The following TCFL5 variants were observed in gnomAD, a reference collection of about 807,000 sequenced individuals.
TCFL5 encodes transcription factor like 5, also known as transcription factor-like 5 protein.
TCFL5 carries 9 observed loss-of-function variants against 44.3 expected under a neutral mutation model. The ratio of observed to expected loss-of-function variants is 0.20; its 90% CI spans 0.12 to 0.35. The LOEUF (loss-of-function observed/expected upper bound fraction) is 0.35. Among genes scored for constraint, TCFL5 ranks in the 10% least tolerant of loss-of-function variants. The probability of loss-of-function intolerance (pLI) is 1.00; values close to 1 mark genes in which losing one functional copy is unlikely to be tolerated. For missense variants in TCFL5, 603 were observed against 613.4 expected (o/e 0.98, Z 0.18); for synonymous variants, 319 against 271.6 (o/e 1.17, Z -1.72).
chr20:62,841,049 AAAG>A lies in TCFL5; in HGVS notation c.*923_*925del, dbSNP rs1447216537. The A allele has an allele frequency of 2.9e-6, 1 of 350,050 alleles. No homozygotes were observed. The highest frequency in any genetic ancestry group is 2.1e-5 in the African/African-American group (1 of 46,982). The allele number at this position is 350,050 out of a possible 1,614,324, so 21.7% of individuals were successfully genotyped here. A position where few individuals can be genotyped will look rare whatever the true frequency, so the allele number is the denominator to read the frequency against. On this transcript the variant is annotated 3_prime_UTR_variant, in exon 6 of 6. Transcript: ENST00000335351. ...TAACTTGTTTACATAGCATTTGTGT[AAAG>A]ACTATGATCTCATCCCAATAAAATG...
rs372898484 is a variant in TCFL5 at position 62,858,244 on chromosome 20, G to A, written c.995-606C>T. ...GCGTGACAGGCTATGCCACGTGTGC[G>A]TCAGTGGAACTGTATCCATCAAAGG... is the stretch of plus-strand genomic sequence containing the variant. On this transcript the variant is annotated intron_variant, in intron 3 of 5. Coordinates refer to ENST00000335351, the MANE Select transcript of TCFL5 (RefSeq NM_006602.4). Among the ~76,000 whole-genome samples, 6 of 152,236 alleles carry A rather than the reference G, an allele frequency of 3.9e-5. No individual in the cohort carries two copies. In the South Asian group the frequency reaches 6.2e-4, roughly 16 times the overall value.
chr20:62,853,001 A>AGTCCGCAGAAGTATAGTCACCCG (rs1469375778), intron 5 of TCFL5: 2 of 1,267,722 alleles, frequency 1.6e-6, no homozygotes, highest in African/African-American at 3.1e-5. Context: ...ACATTCACCC[A>AGTCCGCAGAAGTATAGTCACCCG]GTCCGCAGAA....
In TCFL5 at chr20:62,845,403, G is replaced by A. The variant is rs534342600; in HGVS notation, c.1381-3306C>T. ...TTCCCAAAGTGCTGGGATTACAGGC[G>A]TGAGCTACGACGCCCAGCTTCTTCC... On this transcript the variant is annotated intron_variant, in intron 5 of 5. Coordinates refer to ENST00000335351, the MANE Select transcript of TCFL5 (RefSeq NM_006602.4). 42 of 1,212,976 alleles carry A rather than the reference G, an allele frequency of 3.5e-5. 1 individual carries two copies. Among genetic ancestry groups the A allele is most frequent in the African/African-American group, 9.4e-5 (6 of 63,794 alleles). 75.1% of individuals were successfully genotyped at this position (1,212,976 alleles called of 1,614,324 possible).
At chr20:62,846,763 T>C (rs989964543) in intron 5 of TCFL5, among the ~76,000 whole-genome samples, 34 of 116,774 alleles carry the variant, frequency 2.9e-4, no homozygotes, top group African/African-American at 1.1e-3. Context: ...GGCCCCTCGC[T>C]GGGAAAAAAA....
rs993876372 is a variant in TCFL5 at position 62,846,179 on chromosome 20, A to AG, written c.1381-4083dup. The AG allele has an allele frequency of 1.5e-5, 16 of 1,098,984 alleles. No homozygotes were observed. The African/African-American group carries it at 2.3e-4, about 16-fold the overall frequency. The allele number at this position is 1,098,984 out of a possible 1,614,324, so 68.1% of individuals were successfully genotyped here. On this transcript the variant is annotated intron_variant, in intron 5 of 5. Coordinates refer to ENST00000335351, the MANE Select transcript of TCFL5 (RefSeq NM_006602.4). Reference sequence around the variant, plus strand: ...TTAAAAGACGATAATTTAAAAAAAAAGAAGGAAGGAAGAAAATAATCATCC... The same window carrying AG: ...TTAAAAGACGATAATTTAAAAAAAAAGGAAGGAAGGAAGAAAATAATCATCC...
intron 5 of TCFL5, chr20:62,846,055 T>C (rs541854636): frequency 7.5e-7 from 1 of 1,339,698 alleles, no homozygotes; most frequent in East Asian, 4.9e-5. Flanking sequence ...TTCCATCAAC[T>C]GCTGATTTCA....
chr20:62,847,729 G>C (rs981205311), intron 5 of TCFL5, among the ~76,000 whole-genome samples: 1 of 152,256 alleles, frequency 6.6e-6, no homozygotes, highest in Non-Finnish European at 1.5e-5. Flanking sequence ...CCGTATGTAG[G>C]CCAGGCGCGG....
At chr20:62,856,970 G>GT (rs1278597699) in intron 4 of TCFL5, among the ~76,000 whole-genome samples, 1 of 152,180 alleles carries the variant, frequency 6.6e-6, no homozygotes, top group East Asian at 1.9e-4. Context: ...CAGTGCCTAC[G>GT]TGACACGCCC....
At chr20:62,844,582 GT>G (rs745684819) in intron 5 of TCFL5, among the ~76,000 whole-genome samples, 106 of 120,502 alleles carry the variant, frequency 8.8e-4, no homozygotes, top group East Asian at 1.4e-3. Flanking sequence ...TTTGTTTTTT[GT>G]TTTTTTTTTT....
chr20:62,859,547 A>G (rs759382921), intron 2 of TCFL5, 21 bp from the exon 3 acceptor site: 5 of 1,602,080 alleles, frequency 3.1e-6, no homozygotes, highest in Middle Eastern at 1.7e-4. Flanking sequence ...ATGAAGCAAC[A>G]GGAATTTTAT....
intron 3 of TCFL5, 66 bp from the exon 4 acceptor site, chr20:62,857,704 GT>G: frequency 6.4e-7 from 1 of 1,554,828 alleles, no homozygotes; most frequent in East Asian, 2.2e-5. Context: ...GCTGAATACA[GT>G]TTTGGCCTTT....
At position 62,852,302 on chromosome 20, in the gene TCFL5, C is replaced by T. The variant is rs375782391; in HGVS notation, c.1380+1714G>A. 9.3e-5 allele frequency: 89 copies of T among 953,240 alleles called. No homozygotes were observed. In the South Asian group the frequency reaches 3.4e-3, roughly 37 times the overall value. 59.0% of individuals were successfully genotyped at this position (953,240 alleles called of 1,614,324 possible). A position where few individuals can be genotyped will look rare whatever the true frequency, so the allele number is the denominator to read the frequency against. ...GAGCCACTGACCCTGGCCACTGCAA[C>T]GCTGAGGCCGGGACCTGGAACTCGG... On this transcript the variant is annotated intron_variant, in intron 5 of 5. Transcript: ENST00000335351.
chr20:62,845,821 T>C, intron 5 of TCFL5: 1 of 1,600,018 alleles, frequency 6.2e-7, no homozygotes, highest in Non-Finnish European at 8.5e-7. Flanking sequence ...GGCTGCTCTC[T>C]CATTATAAAA....
At chr20:62,860,804 AG>A (rs2063986329) in intron 1 of TCFL5, among the ~76,000 whole-genome samples, 1 of 152,086 alleles carries the variant, frequency 6.6e-6, no homozygotes, top group South Asian at 2.1e-4. Context: ...CCACTGAGGG[AG>A]GGGGTGTTTA....
At chr20:62,851,694 T>G in intron 5 of TCFL5, 2 of 985,304 alleles carry the variant, frequency 2.0e-6, no homozygotes, top group Non-Finnish European at 2.4e-6. Context: ...AAATGTCATG[T>G]GGACACAGAA....
intron 5 of TCFL5, among the ~76,000 whole-genome samples, chr20:62,851,138 T>A (rs140337209): frequency 8.5e-5 from 13 of 152,256 alleles, no homozygotes; most frequent in African/African-American, 3.1e-4. Context: ...AAAATATGCA[T>A]CCAAGTAAAA....
intron 5 of TCFL5, among the ~76,000 whole-genome samples, chr20:62,850,678 A>G (rs192606716): frequency 6.6e-6 from 1 of 152,010 alleles, no homozygotes; most frequent in Non-Finnish European, 1.5e-5. Flanking sequence ...CATGTCACTC[A>G]CTGCCCAAAG....
intron 5 of TCFL5, among the ~76,000 whole-genome samples, chr20:62,850,615 C>G (rs1335792752): frequency 2.6e-5 from 4 of 152,168 alleles, no homozygotes; most frequent in Admixed American, 2.0e-4. Flanking sequence ...TCACCCCAGC[C>G]CAGCTCCTAC....
intron 5 of TCFL5, among the ~76,000 whole-genome samples, chr20:62,847,030 C>A (rs1369355279): frequency 6.6e-6 from 1 of 151,556 alleles, no homozygotes; most frequent in African/African-American, 2.4e-5. Flanking sequence ...AATAAAAATA[C>A]AAAATTTGCC....
Sources: gnomAD v4.1 joint callset for allele counts (sites outside exome capture counted in the v4.1 genomes callset) on GRCh38, gnomAD v4.1.1 for gene constraint, MANE v1.5 for transcripts, NCBI Gene and HGNC (gene_info 2026-07-23, HGNC 2026-07-21) for gene names.